Variants in COL28A1 observed in about 807,000 individuals in gnomAD.
The protein encoded by COL28A1 is collagen type XXVIII alpha 1 chain.
COL28A1 carries 161 observed loss-of-function variants against 150.2 expected under a neutral mutation model. The observed-to-expected ratio is 1.07, with a 90% confidence interval of 0.94 to 1.22. COL28A1 has a LOEUF of 1.22. Ranked by LOEUF, COL28A1 falls within the 50% of genes most tolerant of loss-of-function variation. COL28A1 has a pLI of 0.00. For synonymous variants in COL28A1, 552 were observed against 469.7 expected (o/e 1.18, Z -2.26); for missense variants, 1,617 against 1,388.3 (o/e 1.16, Z -2.62).
chr7:7,520,732 G>A (rs1308411394), intron 5 of COL28A1, among the ~76,000 whole-genome samples: 2 of 152,190 alleles, frequency 1.3e-5, no homozygotes, highest in Non-Finnish European at 1.5e-5. Flanking sequence ...CTACTAAAAT[G>A]TGACAAGAAT....
the COL28A1 span, among the ~76,000 whole-genome samples, chr7:7,345,063 G>A: frequency 6.6e-6 from 1 of 151,820 alleles, no homozygotes; most frequent in Non-Finnish European, 1.5e-5. Flanking sequence ...TGGCGGGGGT[G>A]GGGGGCGTTC....
intron 28 of COL28A1, among the ~76,000 whole-genome samples, chr7:7,381,128 A>G: frequency 6.6e-6 from 1 of 152,232 alleles, no homozygotes; most frequent in East Asian, 1.9e-4. Context: ...TTCAGGACAT[A>G]CAATTATTAC....
At chr7:7,480,828 G>GT (rs1215830421) in intron 13 of COL28A1, among the ~76,000 whole-genome samples, 2 of 152,126 alleles carry the variant, frequency 1.3e-5, no homozygotes, top group African/African-American at 4.8e-5. Flanking sequence ...TTGTACTGAG[G>GT]TTCAAGCCCC....
chr7:7,340,681 A>G, the COL28A1 span, among the ~76,000 whole-genome samples: 1 of 151,682 alleles, frequency 6.6e-6, no homozygotes. Context: ...ATCTTGATTC[A>G]TCTCTAATCT....
chr7:7,471,125 T>TAAAAAAAAAAAAAAAAAAAAAAAAAAATA (rs746981344), intron 15 of COL28A1, among the ~76,000 whole-genome samples: 3 of 88,522 alleles, frequency 3.4e-5, no homozygotes, highest in African/African-American at 8.3e-5. Context: ...AAAAAATAAT[T>TAAAAAAAAAAAAAAAAAAAAAAAAAAATA]AAAAAAAAAA....
intron 11 of COL28A1, among the ~76,000 whole-genome samples, chr7:7,491,639 A>G (rs1445319105): frequency 1.3e-5 from 2 of 152,222 alleles, no homozygotes; most frequent in Non-Finnish European, 2.9e-5. Flanking sequence ...ACTAGATGTG[A>G]CCATTGCACT....
chr7:7,530,078 G>C (rs1182179552), intron 3 of COL28A1, among the ~76,000 whole-genome samples: 1 of 152,152 alleles, frequency 6.6e-6, no homozygotes, highest in African/African-American at 2.4e-5. Flanking sequence ...AGTTCTGATT[G>C]AGAAAATATT....
At chr7:7,421,337 T>C (rs1784382166) in intron 25 of COL28A1, among the ~76,000 whole-genome samples, 1 of 152,152 alleles carries the variant, frequency 6.6e-6, no homozygotes, top group African/African-American at 2.4e-5. Flanking sequence ...GTGAGGGATT[T>C]TACTGGGGGG....
intron 26 of COL28A1, 57 bp from the exon 27 acceptor site, chr7:7,417,984 A>G (rs375498187): frequency 9.2e-6 from 13 of 1,411,054 alleles, no homozygotes; most frequent in East Asian, 2.3e-5. Context: ...AAGAAGAAAC[A>G]ACGTTAAGTA....
At chr7:7,497,711 C>G (rs2128377193) in intron 11 of COL28A1, among the ~76,000 whole-genome samples, 1 of 152,268 alleles carries the variant, frequency 6.6e-6, no homozygotes. Flanking sequence ...CAAAGCATCT[C>G]TAAAATAAAA....
intron 13 of COL28A1, among the ~76,000 whole-genome samples, chr7:7,479,305 C>T (rs1047146460): frequency 3.3e-5 from 5 of 152,188 alleles, no homozygotes; most frequent in African/African-American, 1.2e-4. Context: ...ATTAAATACT[C>T]GTTCCATTTG....
intron 30 of COL28A1, among the ~76,000 whole-genome samples, chr7:7,376,441 C>T (rs963819727): frequency 6.6e-6 from 1 of 152,088 alleles, no homozygotes; most frequent in African/African-American, 2.4e-5. Flanking sequence ...ACTTTTTAAA[C>T]TGTAAACTAA....
At chr7:7,376,581 A>G (rs920730309) in intron 30 of COL28A1, among the ~76,000 whole-genome samples, 1 of 152,118 alleles carries the variant, frequency 6.6e-6, no homozygotes, top group Admixed American at 6.6e-5. Flanking sequence ...GCTTTTCCGC[A>G]TTTAAAAAGG....
chr7:7,375,610 C>A, intron 30 of COL28A1, 113 bp from the exon 31 acceptor site: 2 of 569,386 alleles, frequency 3.5e-6, no homozygotes, highest in Non-Finnish European at 5.3e-6. Flanking sequence ...TTAATCCTTC[C>A]ACTGCAGAAA....
Position 7,360,433 on chromosome 7 carries a change from G to A in COL28A1, c.3162C>T (p.Thr1054=). ...GGGTGCTGAGCAGTGGCCTGGGGGT[G>A]GTGGTGGCCTCAGATGAGGTAGTGG... ...LPATTSSEAT[T]TPRPLLSTPV... is the part of the protein sequence containing the mutation. The change falls in exon 34 of 35, where the codon ACC becomes ACT. Residue 1054 remains threonine, a synonymous_variant. Transcript: ENST00000399429. 3 of 1,608,100 alleles carry A rather than the reference G, an allele frequency of 1.9e-6. No individual in the cohort carries two copies. Among genetic ancestry groups the A allele is most frequent in the East Asian group, 2.2e-5 (1 of 44,448 alleles).
chr7:7,369,021 T>C (rs1289961559), intron 33 of COL28A1, among the ~76,000 whole-genome samples: 1 of 152,210 alleles, frequency 6.6e-6, no homozygotes, highest in East Asian at 1.9e-4. Flanking sequence ...TAATAATCAA[T>C]ACATGCTATT....
Position 7,440,810 on chromosome 7 carries a change from G to T in COL28A1, c.1702C>A (p.Pro568Thr). 1.3e-6 allele frequency: 2 copies of T among 1,519,766 alleles called. No homozygotes were observed. Among genetic ancestry groups the T allele is most frequent in the Non-Finnish European group, 1.8e-6 (2 of 1,095,272 alleles). 94.1% of individuals were successfully genotyped at this position (1,519,766 alleles called of 1,614,324 possible). A position where few individuals can be genotyped will look rare whatever the true frequency, so the allele number is the denominator to read the frequency against. Residue 568 changes from proline to threonine, a missense_variant, in exon 21 of 35, where the codon CCA becomes ACA. Pro to Thr is a conservative substitution (Grantham distance 38). Coordinates refer to ENST00000399429, the MANE Select transcript of COL28A1 (RefSeq NM_001037763.3). ...CATACCTTTGGTCCTTCGGGCCCTG[G>T]AAGTCCCCTCTGTCCTTGATTTCCT... is the stretch of plus-strand genomic sequence containing the variant. The part of the protein sequence containing the change: ...SKGNQGQRGL[P>T]GPEGPKGEPG...
the COL28A1 span, among the ~76,000 whole-genome samples, chr7:7,343,598 T>C: frequency 6.6e-6 from 1 of 152,140 alleles, no homozygotes; most frequent in Non-Finnish European, 1.5e-5. Context: ...CAAATAAAGA[T>C]GCAGAATATT....
downstream of COL28A1, among the ~76,000 whole-genome samples, chr7:7,355,958 C>A (rs940349212): frequency 2.0e-5 from 3 of 152,004 alleles, no homozygotes; most frequent in African/African-American, 7.3e-5. Flanking sequence ...ATAGATGAGG[C>A]ATATTGTGGT....
Sources: allele counts gnomAD v4.1 joint callset (sites outside exome capture counted in the v4.1 genomes callset), GRCh38; gene constraint gnomAD v4.1.1; transcripts MANE v1.5; gene names NCBI Gene and HGNC (gene_info 2026-07-23, HGNC 2026-07-21).